TLL1: variants seen among roughly 807,000 people sequenced by gnomAD.
TLL1 encodes tolloid-like protein 1.
In TLL1, 49 loss-of-function variants were observed where a neutral mutation model predicts 128.2. The ratio of observed to expected loss-of-function variants is 0.38; its 90% CI spans 0.30 to 0.48. The LOEUF (loss-of-function observed/expected upper bound fraction) is 0.48. TLL1 is among the 20% of genes least tolerant of loss of function. TLL1 has a pLI of 0.96. For missense variants in TLL1, 1,123 were observed against 1,242.0 expected, an observed-to-expected ratio of 0.90 and a Z score of 1.44; for synonymous variants, 454 against 418.8, an observed-to-expected ratio of 1.08 and a Z score of -1.03.
At chr4:166,057,725 C>T (rs1029074761) in intron 14 of TLL1, among the ~76,000 whole-genome samples, 3 of 152,150 alleles carry the variant, frequency 2.0e-5, no homozygotes, top group African/African-American at 7.2e-5. Flanking sequence ...AAAGGCACGT[C>T]GTATATGGCA....
chr4:165,909,879 T>C (rs769167485), intron 1 of TLL1, among the ~76,000 whole-genome samples: 2 of 152,176 alleles, frequency 1.3e-5, no homozygotes, highest in Admixed American at 6.5e-5. Flanking sequence ...GAGGGTTACA[T>C]GTAGTTTTGC....
chr4:165,888,583 A>G (rs1013027243), intron 1 of TLL1, among the ~76,000 whole-genome samples: 9 of 151,882 alleles, frequency 5.9e-5, no homozygotes, highest in African/African-American at 2.2e-4. Flanking sequence ...GTAACAGCAC[A>G]AGATCACTTT....
intron 1 of TLL1, among the ~76,000 whole-genome samples, chr4:165,906,948 T>G (rs1215815525): frequency 2.0e-5 from 3 of 152,072 alleles, no homozygotes; most frequent in African/African-American, 7.3e-5. Flanking sequence ...TGTTTTATAT[T>G]TTCTGCATCA....
chr4:165,936,470 C>T (rs1036612852), intron 1 of TLL1, among the ~76,000 whole-genome samples: 1 of 151,566 alleles, frequency 6.6e-6, no homozygotes. Flanking sequence ...CCTCGCCCTC[C>T]TAAAGTGCTA....
chr4:166,060,737 G>C (rs116067958), intron 15 of TLL1, among the ~76,000 whole-genome samples: 1 of 152,114 alleles, frequency 6.6e-6, no homozygotes, highest in African/African-American at 2.4e-5. Flanking sequence ...TACAGTTTCT[G>C]TCAGGTGACT....
intron 18 of TLL1, among the ~76,000 whole-genome samples, chr4:166,082,014 C>T (rs1371604344): frequency 6.6e-6 from 1 of 152,146 alleles, no homozygotes. Context: ...GTCTGTTCAA[C>T]AATGGTCATA....
chr4:166,042,182 A>T, intron 11 of TLL1, 39 bp downstream of exon 11: 1 of 1,280,556 alleles, frequency 7.8e-7, no homozygotes, highest in Non-Finnish European at 1.1e-6. Context: ...TTCATCTTAT[A>T]TCTCAACAGA....
chr4:165,946,109 T>C (rs930804474), intron 1 of TLL1, among the ~76,000 whole-genome samples: 6 of 152,032 alleles, frequency 3.9e-5, no homozygotes, highest in Non-Finnish European at 1.5e-5. Flanking sequence ...TGAGAGTGGT[T>C]CCGAGATGAC....
intron 1 of TLL1, among the ~76,000 whole-genome samples, chr4:165,977,999 T>C (rs1735968928): frequency 6.6e-6 from 1 of 152,224 alleles, no homozygotes; most frequent in Non-Finnish European, 1.5e-5. Context: ...ATAATGTGTT[T>C]CAATCCAATC....
intron 12 of TLL1, among the ~76,000 whole-genome samples, chr4:166,046,532 C>G (rs1298509345): frequency 6.6e-6 from 1 of 152,140 alleles, no homozygotes; most frequent in Non-Finnish European, 1.5e-5. Flanking sequence ...TGCTTATTTA[C>G]TAAAATTTTG....
At chr4:166,023,443 G>A (rs1209560308) in intron 8 of TLL1, among the ~76,000 whole-genome samples, 4 of 152,184 alleles carry the variant, frequency 2.6e-5, no homozygotes, top group South Asian at 4.2e-4. Flanking sequence ...CACTCACCTT[G>A]CTGTCAATGA....
At chr4:165,952,795 G>A (rs567855076) in intron 1 of TLL1, among the ~76,000 whole-genome samples, 1 of 151,702 alleles carries the variant, frequency 6.6e-6, no homozygotes, top group East Asian at 1.9e-4. Flanking sequence ...GTTTTCAAAA[G>A]TCAAAAAAAT....
At chr4:166,078,162 A>C in intron 18 of TLL1, 132 bp downstream of exon 18, 2 of 1,381,894 alleles carry the variant, frequency 1.4e-6, no homozygotes, top group Non-Finnish European at 2.0e-6. Context: ...TTTTTGTCTC[A>C]TGCTTTCCTA....
At chr4:165,914,659 C>T (rs1732699619) in intron 1 of TLL1, among the ~76,000 whole-genome samples, 2 of 152,134 alleles carry the variant, frequency 1.3e-5, no homozygotes, top group South Asian at 4.1e-4. Context: ...CCTCTTGCAC[C>T]CTAAGTCCCT....
At chr4:166,032,258 T>C (rs529357608) in intron 9 of TLL1, among the ~76,000 whole-genome samples, 119 of 152,274 alleles carry the variant, frequency 7.8e-4, no homozygotes, top group African/African-American at 2.8e-3. Flanking sequence ...AAAAGTGTAG[T>C]ATTACAAATT....
chr4:165,905,844 A>T (rs1032742766), intron 1 of TLL1, among the ~76,000 whole-genome samples: 4 of 152,164 alleles, frequency 2.6e-5, no homozygotes, highest in Non-Finnish European at 5.9e-5. Context: ...ATTTTTGAAA[A>T]GCGTCATCGG....
chr4:166,001,840 A>T (rs1338928114), intron 5 of TLL1, among the ~76,000 whole-genome samples: 1 of 152,128 alleles, frequency 6.6e-6, no homozygotes, highest in Non-Finnish European at 1.5e-5. Flanking sequence ...TATAAATATC[A>T]ATCAATTGAT....
chr4:166,067,055 C>A (rs1001930178), intron 16 of TLL1, among the ~76,000 whole-genome samples: 2 of 151,384 alleles, frequency 1.3e-5, no homozygotes, highest in African/African-American at 4.8e-5. Context: ...TGATTTTTGT[C>A]ATAATAATTA....
At chr4:165,997,429 A>G (rs74691842) in intron 5 of TLL1, among the ~76,000 whole-genome samples, 3,261 of 152,310 alleles carry the variant, frequency 0.021, 124 homozygotes, top group African/African-American at 0.075. Flanking sequence ...TTGATGGAAC[A>G]TAAATCAATT....
Sources: gnomAD v4.1 joint callset for allele counts (sites outside exome capture counted in the v4.1 genomes callset) on GRCh38, gnomAD v4.1.1 for gene constraint, MANE v1.5 for transcripts, NCBI Gene and HGNC (gene_info 2026-07-23, HGNC 2026-07-21) for gene names.